The following MACROD2 variants were observed in gnomAD, a reference collection of about 807,000 sequenced individuals.
The protein encoded by MACROD2 is mono-ADP ribosylhydrolase 2, also known as ADP-ribose glycohydrolase MACROD2.
In MACROD2, 36 loss-of-function variants were observed where a neutral mutation model predicts 70.4. That is an observed-to-expected ratio of 0.51 (90% confidence interval 0.39 to 0.68). MACROD2 has a LOEUF of 0.68. Among genes scored for constraint, MACROD2 ranks in the 30% least tolerant of loss-of-function variants. MACROD2 has a pLI of 0.00. For missense variants in MACROD2, 496 were observed against 538.4 expected (o/e 0.92, Z 0.78); for synonymous variants, 172 against 178.8 (o/e 0.96, Z 0.30).
intron 7 of MACROD2, among the ~76,000 whole-genome samples, chr20:15,481,683 A>AT (rs2047099995): frequency 6.6e-6 from 1 of 150,776 alleles, no homozygotes; most frequent in African/African-American, 2.5e-5. Context: ...GAAAATAAAC[A>AT]TTAAAAAAAA....
rs78261283 is a variant in MACROD2, at chr20:14,284,904, A to C, written c.271+199176A>C. ...TGGTAATGTTACATTATTAGACATT[A>C]TTATAACAAACTCTTGATTATATGG... On this transcript the variant is annotated intron_variant, in intron 3 of 17. Coordinates refer to ENST00000684519, the MANE Select transcript of MACROD2 (RefSeq NM_001351661.2). Among the ~76,000 whole-genome samples, 450 of 152,330 alleles carry C rather than the reference A, an allele frequency of 3.0e-3. 5 individuals are homozygous for C. Among genetic ancestry groups the C allele is most frequent in the African/African-American group, 0.01 (434 of 41,584 alleles).
chr20:14,729,728 T>C (rs2123699522), intron 5 of MACROD2, among the ~76,000 whole-genome samples: 1 of 152,146 alleles, frequency 6.6e-6, no homozygotes, highest in Non-Finnish European at 1.5e-5. Context: ...GTACACACTC[T>C]CAATACAAAT....
Position 14,232,190 on chromosome 20 carries a change from G to T in MACROD2, c.271+146462G>T, listed in dbSNP as rs1227344784. On this transcript the variant is annotated intron_variant, in intron 3 of 17. Transcript: ENST00000684519. ...TTTGGCTTTTGTTGCCATTGCTTTT[G>T]GTGTTTTAGACATGAAGTCCTTGCC... Among the ~76,000 whole-genome samples, 4 of 131,610 alleles carry T rather than the reference G, an allele frequency of 3.0e-5. No individual in the cohort carries two copies. In the Admixed American group the frequency reaches 3.3e-4, roughly 11 times the overall value. The allele number at this position is 131,610 out of a possible 152,430, so 86.3% of individuals were successfully genotyped here.
chr20:15,787,854 C>T (rs1310067493), intron 8 of MACROD2, among the ~76,000 whole-genome samples: 2 of 152,134 alleles, frequency 1.3e-5, no homozygotes, highest in Non-Finnish European at 2.9e-5. Context: ...AAGCCTACTG[C>T]TGTATGAAAT....
At chr20:14,902,224 G>A (rs1798585349) in intron 5 of MACROD2, among the ~76,000 whole-genome samples, 1 of 152,174 alleles carries the variant, frequency 6.6e-6, no homozygotes, top group Admixed American at 6.5e-5. Context: ...AGCAGCCATA[G>A]CTGAATTAGT....
At chr20:14,417,606 A>G (rs2083824243) in intron 3 of MACROD2, among the ~76,000 whole-genome samples, 1 of 152,236 alleles carries the variant, frequency 6.6e-6, no homozygotes, top group Non-Finnish European at 1.5e-5. Context: ...TATTTCAATA[A>G]GAACAAAATT....
intron 6 of MACROD2, among the ~76,000 whole-genome samples, chr20:15,270,632 A>G (rs1037940333): frequency 1.3e-5 from 2 of 152,288 alleles, no homozygotes; most frequent in East Asian, 1.9e-4. Flanking sequence ...TTAAAAAAAT[A>G]CCTTTTGGGC....
intron 3 of MACROD2, among the ~76,000 whole-genome samples, chr20:14,360,030 T>G (rs1465347144): frequency 6.6e-6 from 1 of 152,024 alleles, no homozygotes; most frequent in Non-Finnish European, 1.5e-5. Flanking sequence ...ATTATCTTAC[T>G]TATATGTGAA....
At position 14,185,788 on chromosome 20, in the gene MACROD2, AC is replaced by A. The variant is rs1260964066; in HGVS notation, c.271+100061del. Among the ~76,000 whole-genome samples, 18 of 152,324 alleles carry A rather than the reference AC, an allele frequency of 1.2e-4. No individual in the cohort carries two copies. In the Middle Eastern group the frequency reaches 0.017, roughly 144 times the overall value. ...TCAGTCACCTCCTTTGTAAATGATA[AC>A]AATAATATTACCTGCCACACAGGGC... On this transcript the variant is annotated intron_variant, in intron 3 of 17. Transcript: ENST00000684519.
intron 8 of MACROD2, among the ~76,000 whole-genome samples, chr20:15,738,933 C>A (rs185560239): frequency 4.0e-5 from 6 of 151,874 alleles, no homozygotes; most frequent in Non-Finnish European, 8.8e-5. Flanking sequence ...TTGTTTTTTA[C>A]AATCATTTTA....
intron 3 of MACROD2, among the ~76,000 whole-genome samples, chr20:14,328,616 A>C (rs894442342): frequency 1.5e-4 from 23 of 152,102 alleles, no homozygotes; most frequent in Admixed American, 1.5e-3. Context: ...GCGGGGGTGA[A>C]TATCCAATGC....
chr20:15,379,872 C>G (rs1031179624), intron 6 of MACROD2, among the ~76,000 whole-genome samples: 1 of 152,186 alleles, frequency 6.6e-6, no homozygotes, highest in Non-Finnish European at 1.5e-5. Flanking sequence ...TCCCATGACA[C>G]ATAGAATAAA....
intron 5 of MACROD2, among the ~76,000 whole-genome samples, chr20:14,736,291 G>C (rs1316178927): frequency 6.6e-6 from 1 of 152,076 alleles, no homozygotes; most frequent in Non-Finnish European, 1.5e-5. Flanking sequence ...AATCCATAGA[G>C]ACATAAAGCA....
intron 7 of MACROD2, among the ~76,000 whole-genome samples, chr20:15,466,724 T>A (rs937624929): frequency 5.3e-5 from 8 of 152,218 alleles, no homozygotes; most frequent in African/African-American, 7.2e-5. Flanking sequence ...AATTACAAAG[T>A]GAATTTTATT....
At position 15,449,831 on chromosome 20, in the gene MACROD2, A is replaced by G. The variant is rs192452703; in HGVS notation, c.571+18396A>G. Among the ~76,000 whole-genome samples the G allele has an allele frequency of 5.7e-4, 86 of 152,190 alleles. 1 individual carries two copies. Among genetic ancestry groups the G allele is most frequent in the African/African-American group, 1.9e-3 (80 of 41,528 alleles). The stretch of plus-strand genomic sequence containing the variant: ...AACGTAGTGAAAACCCGTCTCTACT[A>G]AAAATACAAAAATTAGCTGGGCATG... On this transcript the variant is annotated intron_variant, in intron 7 of 17. Transcript: ENST00000684519.
chr20:14,542,041 G>GTA (rs1322702592), intron 4 of MACROD2, among the ~76,000 whole-genome samples: 5 of 152,310 alleles, frequency 3.3e-5, no homozygotes, highest in African/African-American at 1.2e-4. Flanking sequence ...GAGAAATTCA[G>GTA]TATATTGCAC....
chr20:14,517,399 A>G (rs1180742534), intron 4 of MACROD2, among the ~76,000 whole-genome samples: 1 of 152,188 alleles, frequency 6.6e-6, no homozygotes, highest in African/African-American at 2.4e-5. Context: ...TACATGGATG[A>G]AGCTGGAAAC....
At chr20:14,163,917 T>C (rs565191123) in intron 3 of MACROD2, among the ~76,000 whole-genome samples, 5 of 152,104 alleles carry the variant, frequency 3.3e-5, no homozygotes, top group East Asian at 1.9e-4. Flanking sequence ...TTAGTATACA[T>C]ATTTTGAATT....
At chr20:14,878,214 T>A (rs1039922054) in intron 5 of MACROD2, among the ~76,000 whole-genome samples, 1 of 152,180 alleles carries the variant, frequency 6.6e-6, no homozygotes, top group African/African-American at 2.4e-5. Context: ...GTTTGCCATT[T>A]TACATTCCTT....
Sources: allele counts gnomAD v4.1 joint callset (sites outside exome capture counted in the v4.1 genomes callset), GRCh38; gene constraint gnomAD v4.1.1; transcripts MANE v1.5; gene names NCBI Gene and HGNC (gene_info 2026-07-23, HGNC 2026-07-21).